DPY19L1: variants seen among roughly 807,000 people sequenced by gnomAD.
The protein encoded by DPY19L1 is protein C-mannosyl-transferase DPY19L1.
Under a neutral mutation model 96.9 loss-of-function variants are expected in DPY19L1, and 35 were observed. That is an observed-to-expected ratio of 0.36 (90% CI 0.28 to 0.48). The LOEUF is 0.48. Among genes scored for constraint, DPY19L1 ranks in the 20% least tolerant of loss-of-function variants. The probability of loss-of-function intolerance (pLI) is 0.99; values close to 1 mark genes in which losing one functional copy is unlikely to be tolerated. For missense variants in DPY19L1, 521 were observed against 777.9 expected (o/e 0.67, Z 3.93); for synonymous variants, 205 against 252.6 (o/e 0.81, Z 1.79).
intron 1 of DPY19L1, among the ~76,000 whole-genome samples, chr7:35,034,649 T>C (rs1786342499): frequency 6.6e-6 from 1 of 152,222 alleles, no homozygotes; most frequent in South Asian, 2.1e-4. Context: ...TCCTCATCAG[T>C]GATTAGAACC....
At chr7:34,949,723 T>C (rs1784230956) in intron 14 of DPY19L1, 74 bp downstream of exon 14, 2 of 906,458 alleles carry the variant, frequency 2.2e-6, no homozygotes, top group Non-Finnish European at 3.5e-6. Context: ...AAGAGTCTGA[T>C]ATAAGAGGAG....
At chr7:35,036,086 TTTTA>T (rs1373712631) in intron 1 of DPY19L1, among the ~76,000 whole-genome samples, 5 of 152,272 alleles carry the variant, frequency 3.3e-5, no homozygotes, top group Admixed American at 2.0e-4. Context: ...ACTGAGTGGC[TTTTA>T]TTTGTGGCTG....
intron 11 of DPY19L1, among the ~76,000 whole-genome samples, chr7:34,956,027 CCT>C (rs768687551): frequency 6.6e-6 from 1 of 151,894 alleles, no homozygotes; most frequent in Non-Finnish European, 1.5e-5. Flanking sequence ...TGCTGTATTC[CCT>C]GTTATCATTT....
intron 9 of DPY19L1, among the ~76,000 whole-genome samples, chr7:34,967,475 A>G (rs1391679305): frequency 6.6e-6 from 1 of 151,896 alleles, no homozygotes; most frequent in African/African-American, 2.4e-5. Flanking sequence ...AGTTAGTTAT[A>G]ATCAAATTTA....
At chr7:34,950,171 A>C (rs1435392177) in intron 13 of DPY19L1, among the ~76,000 whole-genome samples, 1 of 152,126 alleles carries the variant, frequency 6.6e-6, no homozygotes, top group Non-Finnish European at 1.5e-5. Flanking sequence ...ACTGTGCTAA[A>C]CCTGGTGAAA....
At chr7:34,968,766 C>T (rs866512481) in intron 9 of DPY19L1, among the ~76,000 whole-genome samples, 26 of 36,602 alleles carry the variant, frequency 7.1e-4, no homozygotes, top group Non-Finnish European at 5.7e-4. Flanking sequence ...AAGACTCCAT[C>T]GCAAAAAAAA....
At position 35,019,219 on chromosome 7, in the gene DPY19L1, T is replaced by C. The variant is rs1336551545; in HGVS notation, c.299-623A>G. 3.3e-5 allele frequency among the ~76,000 whole-genome samples: 5 copies of C among 152,140 alleles called. No individual in the cohort carries two copies. The South Asian group carries it at 6.2e-4, about 19-fold the overall frequency. On this transcript the variant is annotated intron_variant, in intron 1 of 21. Transcript: ENST00000638088. ...ATTTTCTTATCTCACAAGATACAGC[T>C]GATGGCAGGCTTCTGATTAAATAAC...
rs370017978 is a variant in DPY19L1, at chr7:34,976,185, T to C, written c.823-2580A>G. On this transcript the variant is annotated intron_variant, in intron 7 of 21. Coordinates refer to ENST00000638088, the MANE Select transcript of DPY19L1 (RefSeq NM_001366673.1). ...AGTGGATTAACTATTTCAGATACCA[T>C]TAAAATCATTCTGATTCATGGAAGG... Among the ~76,000 whole-genome samples the C allele has an allele frequency of 2.6e-5, 4 of 152,330 alleles. 1 individual carries two copies. The highest frequency in any genetic ancestry group is 3.9e-4 in the East Asian group (2 of 5,186).
Position 35,037,135 on chromosome 7 carries a change from C to A in DPY19L1, c.260G>T (p.Arg87Leu), listed in dbSNP as rs546482732. The A allele has an allele frequency of 1.0e-4, 20 of 197,876 alleles. No individual in the cohort carries two copies. Among genetic ancestry groups the A allele is most frequent in the Middle Eastern group, 1.7e-3 (1 of 586 alleles). 12.3% of individuals were successfully genotyped at this position (197,876 alleles called of 1,614,324 possible). A position where few individuals can be genotyped will look rare whatever the true frequency, so the allele number is the denominator to read the frequency against. Reference protein sequence around the residue: ...ARLRWALGLRRAGRGRTWTTL... With the variant: ...ARLRWALGLRLAGRGRTWTTL... ...GGTCCAGGTCCGGCCGCGCCCCGCG[C>A]GCCGCAGGCCCAGCGCCCAGCGCAG... is the stretch of plus-strand genomic sequence containing the variant. The change falls in exon 1 of 22, where the codon CGC (arginine) becomes CTC (leucine). Residue 87 changes from arginine to leucine, a missense_variant. Arg to Leu is a moderately radical substitution (Grantham distance 102, BLOSUM62 -2). Coordinates refer to ENST00000638088, the MANE Select transcript of DPY19L1 (RefSeq NM_001366673.1).
chr7:35,029,895 A>G (rs572334048), intron 1 of DPY19L1, among the ~76,000 whole-genome samples: 1 of 152,348 alleles, frequency 6.6e-6, no homozygotes, highest in South Asian at 2.1e-4. Flanking sequence ...AACAAAGACA[A>G]GAGAACTCAA....
At chr7:35,007,567 C>T (rs541739830) in intron 6 of DPY19L1, among the ~76,000 whole-genome samples, 1 of 151,098 alleles carries the variant, frequency 6.6e-6, no homozygotes, top group East Asian at 1.9e-4. Context: ...AGGCTTTACA[C>T]AACTCAGCAC....
intron 3 of DPY19L1, among the ~76,000 whole-genome samples, chr7:35,017,488 C>A (rs868732017): frequency 1.6e-5 from 1 of 62,530 alleles, no homozygotes; most frequent in Admixed American, 2.6e-4. Flanking sequence ...GGCGACAGAG[C>A]GAGACTCCGT....
At chr7:34,991,481 G>A (rs548210822) in intron 6 of DPY19L1, among the ~76,000 whole-genome samples, 34 of 152,300 alleles carry the variant, frequency 2.2e-4, no homozygotes, top group Admixed American at 1.9e-3. Context: ...GTGGACGCCA[G>A]GGTTCTCTCC....
chr7:34,960,965 CT>C (rs1784488873), intron 10 of DPY19L1, among the ~76,000 whole-genome samples: 1 of 152,060 alleles, frequency 6.6e-6, no homozygotes, highest in African/African-American at 2.4e-5. Flanking sequence ...ACAAATTTAA[CT>C]ACGTAAAAAA....
At chr7:35,013,929 A>G (rs965060233) in intron 3 of DPY19L1, among the ~76,000 whole-genome samples, 1 of 152,212 alleles carries the variant, frequency 6.6e-6, no homozygotes, top group African/African-American at 2.4e-5. Flanking sequence ...AAATAGCTTC[A>G]AAAAGTTTCA....
chr7:35,019,948 CAGG>C (rs1785953563), intron 1 of DPY19L1, among the ~76,000 whole-genome samples: 1 of 152,006 alleles, frequency 6.6e-6, no homozygotes, highest in South Asian at 2.1e-4. Context: ...CAGCTGAGGA[CAGG>C]AGTTTAAATC....
At position 34,984,281 on chromosome 7, in the gene DPY19L1, C is replaced by T. The variant is rs138384708; in HGVS notation, c.822+5603G>A. The stretch of plus-strand genomic sequence containing the variant: ...ACCATTGAGATGCAAACTGAAATGC[C>T]CAGTTGTGAAGGATGACTAGGCGTT... On this transcript the variant is annotated intron_variant, in intron 7 of 21. Transcript: ENST00000638088. Among the ~76,000 whole-genome samples, 148 of 152,052 alleles carry T rather than the reference C, an allele frequency of 9.7e-4. No homozygotes were observed. The East Asian group carries it at 0.015, about 16-fold the overall frequency.
chr7:35,025,434 A>G (rs1349684344), intron 1 of DPY19L1, among the ~76,000 whole-genome samples: 1 of 152,132 alleles, frequency 6.6e-6, no homozygotes, highest in African/African-American at 2.4e-5. Context: ...TCTAAGAACT[A>G]TAAGAAACCT....
intron 7 of DPY19L1, among the ~76,000 whole-genome samples, chr7:34,982,514 T>A (rs1477332102): frequency 5.3e-5 from 8 of 152,150 alleles, no homozygotes; most frequent in African/African-American, 1.9e-4. Flanking sequence ...GAAAAAACAG[T>A]AAAGAAAAAT....
Sources: allele counts gnomAD v4.1 joint callset (sites outside exome capture counted in the v4.1 genomes callset), GRCh38; gene constraint gnomAD v4.1.1; transcripts MANE v1.5; gene names NCBI Gene and HGNC (gene_info 2026-07-23, HGNC 2026-07-21).